The following SARS1 variants were observed in gnomAD, a reference collection of about 807,000 sequenced individuals.
The protein encoded by SARS1 is seryl-tRNA synthetase 1.
A neutral mutation model predicts 63.7 loss-of-function variants in SARS1; 25 were observed. The ratio of observed to expected loss-of-function variants is 0.39; its 90% CI spans 0.29 to 0.55. The LOEUF is 0.55. Among genes scored for constraint, SARS1 ranks in the 20% least tolerant of loss-of-function variants. SARS1 has a pLI of 0.62. For missense variants in SARS1, 417 were observed against 649.7 expected, an observed-to-expected ratio of 0.64 and a Z score of 3.89; for synonymous variants, 231 against 243.5, an observed-to-expected ratio of 0.95 and a Z score of 0.48.
intron 1 of SARS1, chr1:109,215,725 A>G: frequency 1.1e-6 from 1 of 883,536 alleles, no homozygotes; most frequent in Non-Finnish European, 1.4e-6. Flanking sequence ...TTTGTTTTTG[A>G]GACGGAGTCT....
intron 1 of SARS1, 23 bp from the exon 2 acceptor site, chr1:109,223,955 A>G (rs1014621069): frequency 3.2e-6 from 5 of 1,562,362 alleles, no homozygotes; most frequent in Non-Finnish European, 4.4e-6. Flanking sequence ...TCTTTGGTAT[A>G]GTCTTGGATT....
intron 6 of SARS1, among the ~76,000 whole-genome samples, chr1:109,233,332 G>A (rs1021532690): frequency 2.6e-5 from 4 of 152,054 alleles, no homozygotes; most frequent in African/African-American, 9.7e-5. Context: ...AAATAGTCAT[G>A]TGTGGCTGGC....
chr1:109,227,396 C>T (rs1446004848), intron 2 of SARS1, among the ~76,000 whole-genome samples: 6 of 152,148 alleles, frequency 3.9e-5, no homozygotes, highest in African/African-American at 4.8e-5. Flanking sequence ...AATTATCATA[C>T]GGAAGGATGA....
At chr1:109,224,431 TG>T (rs1462424186) in intron 2 of SARS1, among the ~76,000 whole-genome samples, 14 of 152,354 alleles carry the variant, frequency 9.2e-5, no homozygotes, top group Non-Finnish European at 1.6e-4. Flanking sequence ...TGCTACGTTA[TG>T]TGTCTTTTAG....
intron 1 of SARS1, among the ~76,000 whole-genome samples, chr1:109,218,236 G>A (rs1482416723): frequency 1.2e-4 from 18 of 148,074 alleles, no homozygotes; most frequent in African/African-American, 3.2e-4. Context: ...GCGTGGTGGC[G>A]GGCGCCTGTA....
chr1:109,228,655 A>G (rs1655141751), intron 3 of SARS1, among the ~76,000 whole-genome samples: 1 of 152,206 alleles, frequency 6.6e-6, no homozygotes, highest in African/African-American at 2.4e-5. Flanking sequence ...AGTCAAGGAC[A>G]GGAAGAATAG....
At chr1:109,236,597 C>T (rs750907552) in intron 9 of SARS1, 49 bp downstream of exon 9, 8 of 1,577,388 alleles carry the variant, frequency 5.1e-6, no homozygotes, top group Admixed American at 1.8e-5. Flanking sequence ...GTACACGGCC[C>T]GTCCGAATTA....
At chr1:109,224,432 G>C (rs546435751) in intron 2 of SARS1, among the ~76,000 whole-genome samples, 1 of 152,160 alleles carries the variant, frequency 6.6e-6, no homozygotes, top group Admixed American at 6.5e-5. Context: ...GCTACGTTAT[G>C]TGTCTTTTAG....
intron 2 of SARS1, 91 bp downstream of exon 2, chr1:109,224,139 G>A: frequency 1.1e-6 from 1 of 948,422 alleles, no homozygotes; most frequent in South Asian, 1.3e-5. Context: ...TTCTAACTCA[G>A]TGTTTAAGTC....
chr1:109,217,818 C>T (rs1469538322), intron 1 of SARS1, among the ~76,000 whole-genome samples: 1 of 152,104 alleles, frequency 6.6e-6, no homozygotes, highest in Non-Finnish European at 1.5e-5. Flanking sequence ...CTTCGACCTC[C>T]CACACTGCTG....
At position 109,238,041 on chromosome 1, in the gene SARS1, G is replaced by A; in HGVS notation, c.*153G>A. The A allele has an allele frequency of 1.3e-6, 1 of 786,966 alleles. No individual in the cohort carries two copies. Among genetic ancestry groups the A allele is most frequent in the Non-Finnish European group, 2.0e-6 (1 of 490,642 alleles). 48.7% of individuals were successfully genotyped at this position (786,966 alleles called of 1,614,324 possible). On this transcript the variant is annotated 3_prime_UTR_variant, in exon 11 of 11. Transcript: ENST00000234677. ...GAACAGTGCCATGTACCACACAGAT[G>A]TTCCTGTCTCCTCGCATGGGCATAG...
intron 4 of SARS1, among the ~76,000 whole-genome samples, chr1:109,230,077 G>A (rs1570760587): frequency 6.6e-6 from 1 of 152,124 alleles, no homozygotes; most frequent in African/African-American, 2.4e-5. Context: ...GCAGGCTGGG[G>A]TGTGCAGGAG....
At chr1:109,219,262 C>T (rs866812487) in intron 1 of SARS1, among the ~76,000 whole-genome samples, 17 of 76,946 alleles carry the variant, frequency 2.2e-4, no homozygotes, top group African/African-American at 5.8e-4. Context: ...CAAGACTCTC[C>T]ATATATATAT....
At chr1:109,236,234 A>T (rs973988766) in intron 8 of SARS1, 128 bp downstream of exon 8, 8 of 1,306,918 alleles carry the variant, frequency 6.1e-6, no homozygotes, top group Non-Finnish European at 8.5e-6. Flanking sequence ...AAAATATTAC[A>T]CTCTTCTCAC....
intron 6 of SARS1, among the ~76,000 whole-genome samples, chr1:109,233,729 C>G (rs377404548): frequency 9.9e-5 from 15 of 151,974 alleles, no homozygotes; most frequent in African/African-American, 2.9e-4. Flanking sequence ...CAGAGTCTCA[C>G]TCTGTTACCC....
intron 2 of SARS1, 98 bp from the exon 3 acceptor site, chr1:109,228,254 A>T: frequency 7.2e-3 from 4,631 of 645,164 alleles, no homozygotes; most frequent in Non-Finnish European, 0.011. Context: ...AAGTTCTGTG[A>T]TTCATTTATA....
At chr1:109,236,732 A>T in intron 9 of SARS1, 184 bp downstream of exon 9, 1 of 1,525,176 alleles carries the variant, frequency 6.6e-7, no homozygotes, top group Non-Finnish European at 8.8e-7. Context: ...TTTAGCTAGA[A>T]ACCTGAATCT....
At chr1:109,222,752 G>GT (rs775168887) in intron 1 of SARS1, among the ~76,000 whole-genome samples, 14 of 152,200 alleles carry the variant, frequency 9.2e-5, no homozygotes, top group Non-Finnish European at 1.9e-4. Flanking sequence ...GCTCACACCT[G>GT]TAATTCTAGC....
chr1:109,229,606 A>C (rs1313207344), intron 4 of SARS1, 34 bp downstream of exon 4: 3 of 1,598,294 alleles, frequency 1.9e-6, no homozygotes, highest in Non-Finnish European at 2.6e-6. Flanking sequence ...AGGCTGCCTT[A>C]GGTCGCTGCT....
Sources: gnomAD v4.1 joint callset for allele counts (sites outside exome capture counted in the v4.1 genomes callset) on GRCh38, gnomAD v4.1.1 for gene constraint, MANE v1.5 for transcripts, NCBI Gene and HGNC (gene_info 2026-07-23, HGNC 2026-07-21) for gene names.